Variants in BICRA observed in about 807,000 individuals in gnomAD.
BICRA encodes the protein BRD4 interacting chromatin remodeling complex associated protein, also known as BRD4-interacting chromatin-remodeling complex-associated protein.
BICRA carries 31 observed loss-of-function variants against 96.9 expected under a neutral mutation model. The observed-to-expected ratio is 0.32, with a 90% CI of 0.24 to 0.43. BICRA has a LOEUF of 0.43. Among genes scored for constraint, BICRA ranks in the 20% least tolerant of loss-of-function variants. The probability of loss-of-function intolerance (pLI) is 1.00; values close to 1 mark genes in which losing one functional copy is unlikely to be tolerated. For missense variants in BICRA, 2,283 were observed against 2,190.3 expected (o/e 1.04, Z -0.84); for synonymous variants, 1,350 against 1,071.8 (o/e 1.26, Z -5.07).
At chr19:47,635,108 A>G (rs1972281071) in intron 1 of BICRA, among the ~76,000 whole-genome samples, 2 of 152,186 alleles carry the variant, frequency 1.3e-5, no homozygotes, top group African/African-American at 4.8e-5. Context: ...CAAAAGCAAC[A>G]TAAATGTTAG....
At chr19:47,681,573 AC>A (rs1973061791) in intron 6 of BICRA, among the ~76,000 whole-genome samples, 1 of 152,120 alleles carries the variant, frequency 6.6e-6, no homozygotes, top group Admixed American at 6.5e-5. Context: ...CAGTGAACAG[AC>A]AGAAGGGTAG....
chr19:47,694,263 C>T lies in BICRA; in HGVS notation c.2432C>T (p.Ser811Phe). 1 of 597,714 alleles carries T rather than the reference C, an allele frequency of 1.7e-6. No individual in the cohort carries two copies. Among genetic ancestry groups the T allele is most frequent in the Non-Finnish European group, 2.6e-6 (1 of 382,200 alleles). The allele number at this position is 597,714 out of a possible 1,614,324, so 37.0% of individuals were successfully genotyped here. A position where few individuals can be genotyped will look rare whatever the true frequency, so the allele number is the denominator to read the frequency against. The change falls in exon 8 of 15, where the codon TCC becomes TTC. Residue 811 changes from serine to phenylalanine, a missense_variant. By Grantham distance (155) the Ser-to-Phe change is radical (BLOSUM62 -2). Coordinates refer to ENST00000594866, the MANE Select transcript of BICRA (RefSeq NM_001394372.1). Reference sequence around the variant, plus strand: ...CCACCCTCCCGGCCACAGAGTGTGTCCCGCCCTCCCTCAGAGCCACCCTTG... The same window carrying T: ...CCACCCTCCCGGCCACAGAGTGTGTTCCGCCCTCCCTCAGAGCCACCCTTG... ...SRPPSRPQSV[S>F]RPPSEPPLHP...
rs143066816 is a variant in BICRA at position 47,699,241 on chromosome 19, C to T, written c.3493-62C>T. On this transcript the variant is annotated intron_variant, in intron 13 of 14. Coordinates refer to ENST00000594866, the MANE Select transcript of BICRA (RefSeq NM_001394372.1). The surrounding 1 kb of genome is among the most constrained non-coding windows in gnomAD (Gnocchi z 5.0). ...TGGACCTTGCACGCATCGTCCCCGT[C>T]GCTCGCGCCCCTTCCCCCTTCTTGC... The T allele has an allele frequency of 0.025, 24,467 of 988,596 alleles. 411 individuals carry two copies. Among genetic ancestry groups the T allele is most frequent in the Non-Finnish European group, 0.029 (18,090 of 634,290 alleles). 61.2% of individuals were successfully genotyped at this position (988,596 alleles called of 1,614,324 possible). A position where few individuals can be genotyped will look rare whatever the true frequency, so the allele number is the denominator to read the frequency against.
intron 1 of BICRA, among the ~76,000 whole-genome samples, chr19:47,641,172 G>C (rs535331220): frequency 6.8e-6 from 1 of 147,446 alleles, no homozygotes; most frequent in Non-Finnish European, 1.5e-5. Flanking sequence ...TGCCTGCCTC[G>C]GCCTCCCAAA....
chr19:47,678,841 C>T (rs1324110163), intron 5 of BICRA: 1 of 209,562 alleles, frequency 4.8e-6, no homozygotes, highest in East Asian at 1.0e-4. Flanking sequence ...GGGATTTGAT[C>T]CCGGGTCCAG....
At chr19:47,624,497 T>C (rs1427081027) in intron 1 of BICRA, among the ~76,000 whole-genome samples, 1 of 152,150 alleles carries the variant, frequency 6.6e-6, no homozygotes, top group Non-Finnish European at 1.5e-5. Context: ...AAAAAACCAG[T>C]GTACATACCT....
At position 47,701,549 on chromosome 19, in the gene BICRA, T is replaced by G; in HGVS notation, c.3817T>G (p.Ser1273Ala). 6.5e-7 allele frequency: 1 copy of G among 1,549,454 alleles called. No individual in the cohort carries two copies. Reference protein sequence around the residue: ...RASSSLSSSSSSSSAASSLDA... With the variant: ...RASSSLSSSSASSSAASSLDA... The stretch of plus-strand genomic sequence containing the variant: ...GTCCTCCTCCCTGTCCTCCTCTTCC[T>G]CCTCCTCCTCTGCCGCCTCCTCCTT... The change falls in exon 15 of 15, where the codon TCC becomes GCC. Residue 1273 changes from serine (S) to alanine (A), a missense_variant. Physicochemically the swap from Ser to Ala is moderately conservative, Grantham distance 99. Transcript: ENST00000594866. This position sits in a 1 kb window ranked among gnomAD's most constrained non-coding sequence, Gnocchi z 5.4.
intron 1 of BICRA, among the ~76,000 whole-genome samples, chr19:47,668,123 C>T (rs891980512): frequency 6.6e-5 from 10 of 152,006 alleles, no homozygotes; most frequent in African/African-American, 1.7e-4. Flanking sequence ...CCAGCTACTC[C>T]GGAGGCTGAG....
At chr19:47,659,744 C>G (rs959383139) in intron 1 of BICRA, among the ~76,000 whole-genome samples, 1 of 149,106 alleles carries the variant, frequency 6.7e-6, no homozygotes, top group Admixed American at 6.7e-5. Flanking sequence ...GTTCTCTTCT[C>G]TTCTCTCTTT....
intron 1 of BICRA, among the ~76,000 whole-genome samples, chr19:47,618,145 A>C (rs1294281400): frequency 1.3e-5 from 2 of 152,160 alleles, no homozygotes; most frequent in Non-Finnish European, 2.9e-5. Flanking sequence ...ACCTGGGTGC[A>C]TGCAGTGTGG....
chr19:47,687,522 C>A (rs899153920), intron 7 of BICRA, among the ~76,000 whole-genome samples: 1 of 152,080 alleles, frequency 6.6e-6, no homozygotes, highest in South Asian at 2.1e-4. Flanking sequence ...CTTGACTGAG[C>A]GTGTTGGCTC....
At chr19:47,689,437 GTCTC>G (rs1440985211) in intron 7 of BICRA, among the ~76,000 whole-genome samples, 3 of 151,156 alleles carry the variant, frequency 2.0e-5, no homozygotes, top group Non-Finnish European at 4.4e-5. Context: ...CTGAGACTGA[GTCTC>G]TCTCTGTCGC....
chr19:47,646,516 G>T (rs1972462110), intron 1 of BICRA, among the ~76,000 whole-genome samples: 1 of 152,152 alleles, frequency 6.6e-6, no homozygotes, highest in South Asian at 2.1e-4. Context: ...TACTTTTTGA[G>T]CCTTAGCCCG....
intron 2 of BICRA, among the ~76,000 whole-genome samples, chr19:47,673,194 G>A (rs1426092598): frequency 2.0e-5 from 3 of 152,108 alleles, no homozygotes; most frequent in African/African-American, 2.4e-5. Flanking sequence ...GCTGGGAGAC[G>A]GAGGATGACC....
intron 2 of BICRA, among the ~76,000 whole-genome samples, 193 bp from the exon 3 acceptor site, chr19:47,673,377 C>T (rs1169475142): frequency 1.3e-5 from 2 of 151,968 alleles, no homozygotes; most frequent in Non-Finnish European, 2.9e-5. Flanking sequence ...GGAAAAGGAC[C>T]CTGTCCCTGG....
chr19:47,692,436 A>G (rs1385432473), intron 7 of BICRA, among the ~76,000 whole-genome samples: 2 of 151,920 alleles, frequency 1.3e-5, no homozygotes, highest in Non-Finnish European at 2.9e-5. Flanking sequence ...CATCATATTG[A>G]TCAGGCTGGT....
rs1599868069 is a variant in BICRA, at chr19:47,696,439, T to C, written c.3187-12T>C. 1 of 1,588,808 alleles carries C rather than the reference T, an allele frequency of 6.3e-7. No homozygotes were observed. The highest frequency in any genetic ancestry group is 2.3e-5 in the East Asian group (1 of 43,568). ...GGAGGCAAAGGCCTCTCACTCGCCT[T>C]TCTTCTCCCAGTATGAGAGCAAACT... On this transcript the variant is annotated splice_polypyrimidine_tract_variant and intron_variant, in intron 10 of 14. Coordinates refer to ENST00000594866, the MANE Select transcript of BICRA (RefSeq NM_001394372.1).
intron 4 of BICRA, among the ~76,000 whole-genome samples, chr19:47,674,125 A>G (rs1270601955): frequency 6.6e-6 from 1 of 152,204 alleles, no homozygotes; most frequent in Non-Finnish European, 1.5e-5. Context: ...GGGAGGTAAC[A>G]TTGAAGGTGA....
intron 1 of BICRA, among the ~76,000 whole-genome samples, chr19:47,616,638 C>CAAAAAAAA (rs755153037): frequency 2.4e-5 from 3 of 124,714 alleles, no homozygotes; most frequent in African/African-American, 8.9e-5. Context: ...GACTCTGTCT[C>CAAAAAAAA]AAAAAAAAAA....
Sources: gnomAD v4.1 joint callset for allele counts (sites outside exome capture counted in the v4.1 genomes callset) on GRCh38, gnomAD v4.1.1 for gene constraint, Gnocchi (gnomAD v3.1) non-coding constraint, MANE v1.5 for transcripts, NCBI Gene and HGNC (gene_info 2026-07-23, HGNC 2026-07-21) for gene names.